The following ABCB4 variants were observed in gnomAD, a reference collection of about 807,000 sequenced individuals.
ABCB4 encodes the protein ATP binding cassette subfamily B member 4.
A neutral mutation model predicts 145.7 loss-of-function variants in ABCB4; 76 were observed. The observed-to-expected ratio is 0.52, with a 90% CI of 0.43 to 0.63. The LOEUF (loss-of-function observed/expected upper bound fraction) is 0.63. Among genes scored for constraint, ABCB4 ranks in the 30% least tolerant of loss-of-function variants. ABCB4 has a pLI of 0.00. For synonymous variants in ABCB4, 517 were observed against 566.8 expected (o/e 0.91, Z 1.25); for missense variants, 1,234 against 1,553.1 (o/e 0.79, Z 3.45).
chr7:87,457,789 T>A (rs915890568), intron 4 of ABCB4, among the ~76,000 whole-genome samples: 3 of 152,186 alleles, frequency 2.0e-5, no homozygotes, highest in East Asian at 1.9e-4. Context: ...GAATAAGCAG[T>A]GTATACATTA....
intron 4 of ABCB4, among the ~76,000 whole-genome samples, chr7:87,461,555 T>C (rs542923949): frequency 3.9e-5 from 6 of 152,278 alleles, no homozygotes; most frequent in South Asian, 2.1e-4. Flanking sequence ...GAATAATGTA[T>C]GTAAAGTGCT....
intron 21 of ABCB4, among the ~76,000 whole-genome samples, chr7:87,416,098 C>T (rs1381668208): frequency 6.6e-6 from 1 of 152,182 alleles, no homozygotes; most frequent in Non-Finnish European, 1.5e-5. Context: ...ATTGTCCTAG[C>T]AAGCTCCAAG....
At chr7:87,368,937 T>C in the ABCB4 span, among the ~76,000 whole-genome samples, 1 of 152,256 alleles carries the variant, frequency 6.6e-6, no homozygotes, top group Admixed American at 6.5e-5. Context: ...TGAAAATTAT[T>C]TTATTGAGTT....
chr7:87,400,157 T>G (rs1282548541), downstream of ABCB4, among the ~76,000 whole-genome samples: 1 of 152,274 alleles, frequency 6.6e-6, no homozygotes, highest in East Asian at 1.9e-4. Flanking sequence ...TCACATGCCA[T>G]CACCTGGCTG....
chr7:87,378,346 CAA>C, the ABCB4 span, among the ~76,000 whole-genome samples: 19 of 132,862 alleles, frequency 1.4e-4, no homozygotes, highest in Admixed American at 2.3e-4. Flanking sequence ...ACTCCGACTC[CAA>C]AAAAAAAAAA....
chr7:87,459,370 C>G (rs1317622212), intron 4 of ABCB4, among the ~76,000 whole-genome samples: 1 of 152,110 alleles, frequency 6.6e-6, no homozygotes, highest in East Asian at 1.9e-4. Context: ...CTCTAGATAC[C>G]TCATAAAAGT....
upstream of ABCB4, chr7:87,475,738 C>A (rs954610733): frequency 1.3e-5 from 5 of 373,790 alleles, no homozygotes; most frequent in African/African-American, 1.1e-4. Context: ...CCGCCCCCGC[C>A]CCCCACGCGC....
At chr7:87,369,548 T>A in the ABCB4 span, 1 of 969,836 alleles carries the variant, frequency 1.0e-6, no homozygotes, top group Non-Finnish European at 1.5e-6. Context: ...AAAATATACA[T>A]GTTTAGAATT....
chr7:87,448,124 T>C (rs981016113), intron 8 of ABCB4, among the ~76,000 whole-genome samples: 5 of 152,192 alleles, frequency 3.3e-5, no homozygotes, highest in African/African-American at 1.2e-4. Context: ...TACAATTTTT[T>C]TTCATCAAGT....
At position 87,475,295 on chromosome 7, in the gene ABCB4, A is replaced by G. The variant is rs375156842; in HGVS notation, c.80+91T>C. 4.6e-6 allele frequency: 7 copies of G among 1,509,716 alleles called. No homozygotes were observed. The African/African-American group carries it at 6.9e-5, about 15-fold the overall frequency. 93.5% of individuals were successfully genotyped at this position (1,509,716 alleles called of 1,614,324 possible). A position where few individuals can be genotyped will look rare whatever the true frequency, so the allele number is the denominator to read the frequency against. The stretch of plus-strand genomic sequence containing the variant: ...CTCCAAAACAAAGGTCTTCAAAGGC[A>G]TCAACCGATTTTTACAACTTCTTTC... On this transcript the variant is annotated intron_variant, in intron 2 of 27. Transcript: ENST00000649586.
the ABCB4 span, among the ~76,000 whole-genome samples, chr7:87,371,654 C>A: frequency 3.3e-5 from 5 of 152,162 alleles, no homozygotes; most frequent in Admixed American, 3.3e-4. Context: ...AGGACACCCA[C>A]TTCTCCTAAT....
chr7:87,410,946 C>T (rs771876615), intron 23 of ABCB4, among the ~76,000 whole-genome samples: 16 of 152,278 alleles, frequency 1.1e-4, no homozygotes, highest in South Asian at 4.2e-4. Context: ...CCTTCTCTTG[C>T]CTTTAGGCTT....
chr7:87,390,714 T>G, the ABCB4 span, among the ~76,000 whole-genome samples: 1 of 152,244 alleles, frequency 6.6e-6, no homozygotes, highest in Non-Finnish European at 1.5e-5. Context: ...CCTGGGGAAC[T>G]TCTTAAATTA....
intron 23 of ABCB4, among the ~76,000 whole-genome samples, chr7:87,411,164 G>T (rs1808591580): frequency 6.8e-6 from 1 of 147,678 alleles, no homozygotes; most frequent in African/African-American, 2.5e-5. Context: ...AATTTTGGAT[G>T]AAAAAAAAAA....
the ABCB4 span, among the ~76,000 whole-genome samples, chr7:87,395,894 T>C: frequency 6.6e-6 from 1 of 152,118 alleles, no homozygotes; most frequent in East Asian, 1.9e-4. Flanking sequence ...TCACCAAGGA[T>C]TGTCTTTTAC....
intron 4 of ABCB4, among the ~76,000 whole-genome samples, chr7:87,457,321 G>A (rs1489424430): frequency 1.3e-5 from 2 of 152,132 alleles, no homozygotes; most frequent in African/African-American, 2.4e-5. Flanking sequence ...GAAGCAGGAG[G>A]ATTACTTGAG....
chr7:87,380,058 C>A, the ABCB4 span, among the ~76,000 whole-genome samples: 1 of 152,086 alleles, frequency 6.6e-6, no homozygotes, highest in East Asian at 1.9e-4. Flanking sequence ...TTGCAGTGAG[C>A]CATGGTTGTA....
intron 5 of ABCB4, among the ~76,000 whole-genome samples, chr7:87,453,536 C>G (rs1181394695): frequency 2.7e-5 from 4 of 150,570 alleles, no homozygotes; most frequent in African/African-American, 9.8e-5. Flanking sequence ...GGAAATTAAT[C>G]AATTTACTAA....
intron 15 of ABCB4, among the ~76,000 whole-genome samples, chr7:87,429,496 T>A (rs976823226): frequency 2.0e-4 from 31 of 152,188 alleles, no homozygotes; most frequent in Non-Finnish European, 8.8e-5. Flanking sequence ...TGTCTGCATC[T>A]CTTTAGCAGT....
Sources: gnomAD v4.1 joint callset for allele counts (sites outside exome capture counted in the v4.1 genomes callset) on GRCh38, gnomAD v4.1.1 for gene constraint, MANE v1.5 for transcripts, NCBI Gene and HGNC (gene_info 2026-07-23, HGNC 2026-07-21) for gene names.